The following NBEA variants were observed in gnomAD, a reference collection of about 807,000 sequenced individuals.
The protein encoded by NBEA is neurobeachin.
NBEA carries 44 observed loss-of-function variants against 343.4 expected under a neutral mutation model. That is an observed-to-expected ratio of 0.13 (90% CI 0.10 to 0.16). The LOEUF is 0.16. NBEA is among the 10% of genes least tolerant of loss of function. The pLI is 1.00. For missense variants in NBEA, 2,555 were observed against 3,631.3 expected, an observed-to-expected ratio of 0.70 and a Z score of 7.62; for synonymous variants, 1,175 against 1,238.7, an observed-to-expected ratio of 0.95 and a Z score of 1.08.
intron 33 of NBEA, among the ~76,000 whole-genome samples, chr13:35,214,810 T>C (rs2073974161): frequency 6.6e-6 from 1 of 151,846 alleles, no homozygotes; most frequent in East Asian, 1.9e-4. Flanking sequence ...TCTTCTAAAA[T>C]AAAAGTTTTG....
In NBEA at chr13:34,943,073, G is replaced by GAGGT. The variant is rs2059079962; in HGVS notation, c.254_257dup (p.Ser87GlyfsTer20). ...GTTGATTGGACTCATACAGGTCGGAGAGGTCAGCAACAGGGACATCGTGGA... is the reference window on the plus strand; with the variant it reads ...GTTGATTGGACTCATACAGGTCGGAGAGGTAGGTCAGCAACAGGGACATCGTGGA... On this transcript the variant is annotated frameshift_variant, in exon 1 of 59. Coordinates refer to ENST00000379939, the MANE Select transcript of NBEA (RefSeq NM_001385012.1). LOFTEE classifies it high-confidence loss of function. 6.2e-7 allele frequency: 1 copy of GAGGT among 1,613,628 alleles called. No individual in the cohort carries two copies. Among genetic ancestry groups the GAGGT allele is most frequent in the Non-Finnish European group, 8.5e-7 (1 of 1,179,802 alleles).
intron 1 of NBEA, among the ~76,000 whole-genome samples, chr13:34,972,883 A>G (rs1372141826): frequency 1.3e-5 from 2 of 152,166 alleles, no homozygotes; most frequent in Non-Finnish European, 2.9e-5. Context: ...TTGCTGCAGA[A>G]GTGATGTGAT....
At chr13:35,493,334 T>C (rs1036060739) in intron 41 of NBEA, among the ~76,000 whole-genome samples, 7 of 152,104 alleles carry the variant, frequency 4.6e-5, no homozygotes, top group Non-Finnish European at 1.0e-4. Flanking sequence ...TAAGCAGTTT[T>C]ATCATCAACA....
Position 35,474,930 on chromosome 13 carries a change from A to G in NBEA, c.6585+2394A>G. The G allele has an allele frequency of 4.4e-6, 5 of 1,124,854 alleles. No individual in the cohort carries two copies. The South Asian group carries it at 7.9e-5, about 18-fold the overall frequency. 69.7% of individuals were successfully genotyped at this position (1,124,854 alleles called of 1,614,324 possible). A position where few individuals can be genotyped will look rare whatever the true frequency, so the allele number is the denominator to read the frequency against. On this transcript the variant is annotated intron_variant, in intron 41 of 58. Coordinates refer to ENST00000379939, the MANE Select transcript of NBEA (RefSeq NM_001385012.1). ...GGGTGAGATGATGTTTAAATATTGT[A>G]TTATTATTCCTTTTTAAAGGAAGAG...
intron 48 of NBEA, among the ~76,000 whole-genome samples, chr13:35,622,601 G>C (rs2083042718): frequency 6.6e-6 from 1 of 152,158 alleles, no homozygotes; most frequent in South Asian, 2.1e-4. Context: ...TATTGAAGTT[G>C]TAATAGCTAC....
chr13:35,656,973 C>T lies in NBEA; in HGVS notation c.8362+1224C>T, dbSNP rs546129864. Among the ~76,000 whole-genome samples, 8 of 152,306 alleles carry T rather than the reference C, an allele frequency of 5.3e-5. No homozygotes were observed. In the East Asian group the frequency reaches 1.2e-3, roughly 22 times the overall value. On this transcript the variant is annotated intron_variant, in intron 55 of 58. Transcript: ENST00000379939. ...CTGCTGCCTCTCTGGTTAGTTCCAA[C>T]CTGTGAGACAGCTAGGGGTGGAAAC... is the stretch of plus-strand genomic sequence containing the variant.
At chr13:35,236,442 T>TTTTGC (rs955562158) in intron 34 of NBEA, among the ~76,000 whole-genome samples, 4 of 149,218 alleles carry the variant, frequency 2.7e-5, no homozygotes, top group Non-Finnish European at 4.5e-5. Context: ...TTTTGTTTTG[T>TTTTGC]TTTGTTTTGT....
At chr13:35,013,561 C>T (rs2061555820) in intron 1 of NBEA, among the ~76,000 whole-genome samples, 1 of 151,776 alleles carries the variant, frequency 6.6e-6, no homozygotes, top group African/African-American at 2.4e-5. Context: ...ACCTCTGCCT[C>T]CCAGGTTCAG....
intron 38 of NBEA, among the ~76,000 whole-genome samples, chr13:35,367,422 C>A (rs2041183257): frequency 6.6e-6 from 1 of 151,258 alleles, no homozygotes; most frequent in East Asian, 1.9e-4. Flanking sequence ...GACAATTGAG[C>A]CCCAGGAATA....
chr13:35,616,439 A>G (rs1487168003), intron 48 of NBEA, among the ~76,000 whole-genome samples: 1 of 152,172 alleles, frequency 6.6e-6, no homozygotes, highest in African/African-American at 2.4e-5. Flanking sequence ...TGTGACCCAG[A>G]CTTAAAATTC....
intron 39 of NBEA, among the ~76,000 whole-genome samples, chr13:35,440,189 A>G (rs949752621): frequency 6.6e-6 from 1 of 152,156 alleles, no homozygotes; most frequent in African/African-American, 2.4e-5. Context: ...CCGATAACTG[A>G]TTAATTTTAA....
intron 41 of NBEA, among the ~76,000 whole-genome samples, chr13:35,500,440 C>G (rs1050811680): frequency 5.3e-5 from 8 of 152,076 alleles, no homozygotes; most frequent in Non-Finnish European, 1.0e-4. Flanking sequence ...CTGATGGAGG[C>G]TCAGCAGGCT....
chr13:35,210,218 T>TG (rs1195639295), intron 32 of NBEA, among the ~76,000 whole-genome samples: 3 of 151,948 alleles, frequency 2.0e-5, no homozygotes, highest in Non-Finnish European at 4.4e-5. Flanking sequence ...AGAGTTTTGA[T>TG]GATAATATAA....
At chr13:35,372,392 T>C (rs992679274) in intron 38 of NBEA, among the ~76,000 whole-genome samples, 5 of 152,054 alleles carry the variant, frequency 3.3e-5, no homozygotes, top group Admixed American at 3.3e-4. Context: ...GTGGCAACAG[T>C]GGTGGACAGG....
chr13:35,267,177 T>C (rs2033752421), intron 34 of NBEA, among the ~76,000 whole-genome samples: 1 of 151,814 alleles, frequency 6.6e-6, no homozygotes, highest in African/African-American at 2.4e-5. Context: ...AAAATCCATA[T>C]ATAAGTGGAC....
At chr13:35,665,813 AGATGGGGTTT>A (rs1461903933) in intron 56 of NBEA, among the ~76,000 whole-genome samples, 14 of 152,152 alleles carry the variant, frequency 9.2e-5, no homozygotes, top group Admixed American at 9.2e-4. Flanking sequence ...TTTTCAGTAG[AGATGGGGTTT>A]CACCATGTTG....
chr13:35,397,294 C>T (rs567696164), intron 38 of NBEA, among the ~76,000 whole-genome samples: 20 of 152,270 alleles, frequency 1.3e-4, no homozygotes, highest in African/African-American at 4.8e-4. Context: ...GTGCTTTTAC[C>T]TTTAATCTTT....
At chr13:35,149,805 A>G (rs530237791) in intron 18 of NBEA, among the ~76,000 whole-genome samples, 2 of 152,314 alleles carry the variant, frequency 1.3e-5, no homozygotes, top group African/African-American at 4.8e-5. Context: ...ATAACATAAT[A>G]TGTTGAATTT....
chr13:35,635,308 G>T (rs1319401546), intron 49 of NBEA, among the ~76,000 whole-genome samples: 2 of 152,096 alleles, frequency 1.3e-5, no homozygotes, highest in Non-Finnish European at 2.9e-5. Flanking sequence ...GTAGCACAAG[G>T]TTATCCATTT....
Sources: allele counts gnomAD v4.1 joint callset (sites outside exome capture counted in the v4.1 genomes callset), GRCh38; gene constraint gnomAD v4.1.1; transcripts MANE v1.5; gene names NCBI Gene and HGNC (gene_info 2026-07-23, HGNC 2026-07-21).